TAS2R1: variants seen among roughly 807,000 people sequenced by gnomAD.
The protein encoded by TAS2R1 is taste receptor type 2 member 1.
For missense variants in TAS2R1, 370 were observed against 353.4 expected, an observed-to-expected ratio of 1.05 and a Z score of -0.38; for synonymous variants, 141 against 134.2, an observed-to-expected ratio of 1.05 and a Z score of -0.35.
At position 9,694,547 on chromosome 5, in the gene TAS2R1, C is replaced by T. The variant is rs542954409; in HGVS notation, c.-242+17625G>A. 1.5e-3 allele frequency among the ~76,000 whole-genome samples: 221 copies of T among 152,276 alleles called. 1 individual carries two copies. Among genetic ancestry groups the T allele is most frequent in the African/African-American group, 5.1e-3 (214 of 41,562 alleles). On this transcript the variant is annotated intron_variant, in intron 1 of 2. Transcript: ENST00000506620. ...GTGTTTGAAGTATATTTCCTCCTTT[C>T]GTGGCCCATCAATCTGTGAGAGAAA...
the TAS2R1 span, among the ~76,000 whole-genome samples, chr5:9,849,763 A>C: frequency 6.6e-6 from 1 of 152,210 alleles, no homozygotes. Context: ...ACACTGGTTA[A>C]TTGACAAACT....
chr5:9,738,922 AG>A, the TAS2R1 span, among the ~76,000 whole-genome samples: 2 of 152,224 alleles, frequency 1.3e-5, no homozygotes, highest in Admixed American at 1.3e-4. Flanking sequence ...AAGCTGTGTC[AG>A]TAATCCCCAT....
the TAS2R1 span, among the ~76,000 whole-genome samples, chr5:9,750,251 T>C: frequency 1.3e-5 from 2 of 152,164 alleles, no homozygotes; most frequent in African/African-American, 4.8e-5. Context: ...TCTGCATTCT[T>C]GTACTTGCTC....
chr5:9,775,902 C>T, the TAS2R1 span, among the ~76,000 whole-genome samples: 2 of 152,182 alleles, frequency 1.3e-5, no homozygotes, highest in Admixed American at 1.3e-4. Context: ...TTGAGCTGAG[C>T]TGCCTGGAGT....
chr5:9,673,269 C>T (rs1056062342), intron 1 of TAS2R1, among the ~76,000 whole-genome samples: 2 of 152,096 alleles, frequency 1.3e-5, no homozygotes, highest in African/African-American at 2.4e-5. Flanking sequence ...TTATAACAAA[C>T]TGCACATTTA....
At chr5:9,839,958 C>A in the TAS2R1 span, among the ~76,000 whole-genome samples, 1 of 152,102 alleles carries the variant, frequency 6.6e-6, no homozygotes, top group African/African-American at 2.4e-5. Context: ...TTTGGCTTAC[C>A]ATTCTAGACT....
intron 2 of TAS2R1, among the ~76,000 whole-genome samples, chr5:9,653,766 A>G (rs1286017454): frequency 6.6e-6 from 1 of 152,320 alleles, no homozygotes; most frequent in African/African-American, 2.4e-5. Flanking sequence ...ACTGTCATAG[A>G]TTTTAATGAA....
chr5:9,719,835 G>A, the TAS2R1 span, among the ~76,000 whole-genome samples: 66 of 145,958 alleles, frequency 4.5e-4, no homozygotes, highest in African/African-American at 1.6e-3. Flanking sequence ...GGAGAATGGC[G>A]TCAACCTGGG....
the TAS2R1 span, among the ~76,000 whole-genome samples, chr5:9,873,203 G>A: frequency 6.6e-6 from 1 of 152,136 alleles, no homozygotes; most frequent in Admixed American, 6.5e-5. Context: ...GCACTAGGCT[G>A]GCGCTGTCCA....
chr5:9,678,729 G>A (rs992390370), intron 1 of TAS2R1, among the ~76,000 whole-genome samples: 3 of 152,192 alleles, frequency 2.0e-5, no homozygotes, highest in South Asian at 2.1e-4. Context: ...GGAGCTGACC[G>A]ATGAGAACAT....
chr5:9,821,140 A>T, the TAS2R1 span, among the ~76,000 whole-genome samples: 1 of 152,158 alleles, frequency 6.6e-6, no homozygotes, highest in Admixed American at 6.5e-5. Context: ...TTCTAAATAT[A>T]AAAAAACAAC....
At chr5:9,673,461 T>C (rs1310441000) in intron 1 of TAS2R1, among the ~76,000 whole-genome samples, 3 of 152,094 alleles carry the variant, frequency 2.0e-5, no homozygotes, top group African/African-American at 7.2e-5. Context: ...TATAATTTTC[T>C]ACACTAATAA....
At chr5:9,863,678 T>C in the TAS2R1 span, among the ~76,000 whole-genome samples, 1 of 152,228 alleles carries the variant, frequency 6.6e-6, no homozygotes, top group Non-Finnish European at 1.5e-5. Context: ...TGCTCAGGGC[T>C]TTATACTCCA....
the TAS2R1 span, among the ~76,000 whole-genome samples, chr5:9,717,457 A>C: frequency 3.7e-4 from 56 of 152,322 alleles, no homozygotes; most frequent in African/African-American, 1.3e-3. Flanking sequence ...ATGTAGTGCA[A>C]GACCAACAAA....
the TAS2R1 span, among the ~76,000 whole-genome samples, chr5:9,870,728 AAT>A: frequency 7.9e-5 from 12 of 152,192 alleles, no homozygotes; most frequent in Non-Finnish European, 1.5e-5. Flanking sequence ...TAAGTAGTCC[AAT>A]CCCCCAGAAA....
chr5:9,729,503 T>C, the TAS2R1 span, among the ~76,000 whole-genome samples: 3 of 152,200 alleles, frequency 2.0e-5, no homozygotes, highest in East Asian at 1.9e-4. Flanking sequence ...CTTGGTGACA[T>C]GCTACCACTG....
rs186555689 is a variant in TAS2R1 at position 9,650,201 on chromosome 5, C to T, written c.-81+9220G>A. Among the ~76,000 whole-genome samples, 8 of 152,188 alleles carry T rather than the reference C, an allele frequency of 5.3e-5. No homozygotes were observed. The East Asian group carries it at 1.4e-3, about 26-fold the overall frequency. ...GATGATAGAAAACAATATATTCTAACGTTGCTTAAGAGATATAATCTTACG... is the reference window on the plus strand; with the variant it reads ...GATGATAGAAAACAATATATTCTAATGTTGCTTAAGAGATATAATCTTACG... On this transcript the variant is annotated intron_variant, in intron 2 of 2. Transcript: ENST00000506620.
the TAS2R1 span, among the ~76,000 whole-genome samples, chr5:9,802,796 G>A: frequency 5.3e-5 from 8 of 152,130 alleles, no homozygotes; most frequent in African/African-American, 1.4e-4. Flanking sequence ...CCAGCTACTC[G>A]GGTGGCTGAG....
At chr5:9,831,269 A>G in the TAS2R1 span, among the ~76,000 whole-genome samples, 1 of 152,226 alleles carries the variant, frequency 6.6e-6, no homozygotes, top group Non-Finnish European at 1.5e-5. Flanking sequence ...GAAGCTCAGC[A>G]GTAGTATTAT....
Sources: allele counts gnomAD v4.1 joint callset (sites outside exome capture counted in the v4.1 genomes callset), GRCh38; gene constraint gnomAD v4.1.1; transcripts MANE v1.5; gene names NCBI Gene and HGNC (gene_info 2026-07-23, HGNC 2026-07-21).